CAPN2: variants seen among roughly 807,000 people sequenced by gnomAD.
CAPN2 encodes the protein calpain-2 catalytic subunit.
Under a neutral mutation model 102.3 loss-of-function variants are expected in CAPN2, and 92 were observed. The observed-to-expected ratio is 0.90, with a 90% CI of 0.76 to 1.07. The LOEUF is 1.07. Ranked by LOEUF, CAPN2 falls within the 50% of genes least tolerant of loss-of-function variation. CAPN2 has a pLI of 0.00. For missense variants in CAPN2, 800 were observed against 909.4 expected, an observed-to-expected ratio of 0.88 and a Z score of 1.55; for synonymous variants, 340 against 355.4, an observed-to-expected ratio of 0.96 and a Z score of 0.49.
chr1:223,763,017 C>G (rs1163775082), intron 14 of CAPN2, among the ~76,000 whole-genome samples: 1 of 151,948 alleles, frequency 6.6e-6, no homozygotes, highest in East Asian at 1.9e-4. Flanking sequence ...GAGACAGGGT[C>G]TCACTTTGTT....
intron 2 of CAPN2, among the ~76,000 whole-genome samples, chr1:223,735,334 C>T (rs1241933419): frequency 6.6e-6 from 1 of 152,052 alleles, no homozygotes; most frequent in Non-Finnish European, 1.5e-5. Context: ...TCAAGACCAG[C>T]TTGGCCAACA....
At chr1:223,702,091 G>GAAGGAAGGA (rs1207788242) in intron 1 of CAPN2, among the ~76,000 whole-genome samples, 1 of 38,650 alleles carries the variant, frequency 2.6e-5, no homozygotes, top group Non-Finnish European at 4.9e-5. Flanking sequence ...GGGAGGGAGG[G>GAAGGAAGGA]AGGAAAGAAG....
At position 223,755,624 on chromosome 1, in the gene CAPN2, A is replaced by G. The variant is rs773667050; in HGVS notation, c.1280A>G (p.His427Arg). Residue 427 changes from histidine to arginine, a missense_variant, in exon 10 of 21, where the codon CAC becomes CGC. By Grantham distance (29) the His-to-Arg change is conservative (BLOSUM62 0). Coordinates refer to ENST00000295006, the MANE Select transcript of CAPN2 (RefSeq NM_001748.5). The surrounding 1 kb of genome is among the most constrained non-coding windows in gnomAD (Gnocchi z 4.1). ...CAGAGGAAGATGGGCGAGGACATGC[A>G]CACCATCGGCTTTGGCATCTATGAG... Reference protein sequence around the residue: ...RRQRKMGEDMHTIGFGIYEVP... With the variant: ...RRQRKMGEDMRTIGFGIYEVP... 2 of 1,605,652 alleles carry G rather than the reference A, an allele frequency of 1.2e-6. No individual in the cohort carries two copies. Among genetic ancestry groups the G allele is most frequent in the Non-Finnish European group, 1.7e-6 (2 of 1,176,060 alleles).
intron 15 of CAPN2, among the ~76,000 whole-genome samples, chr1:223,764,643 A>G (rs1435930087): frequency 6.6e-6 from 1 of 152,216 alleles, no homozygotes; most frequent in Non-Finnish European, 1.5e-5. Context: ...TAGTAAAGAC[A>G]GGGTTTCACC....
intron 5 of CAPN2, among the ~76,000 whole-genome samples, chr1:223,747,720 G>T (rs571174833): frequency 2.6e-5 from 4 of 152,320 alleles, no homozygotes; most frequent in African/African-American, 9.6e-5. Context: ...CTTTAGGCAG[G>T]TGAGGGAACT....
At chr1:223,763,098 C>T (rs974994113) in intron 14 of CAPN2, among the ~76,000 whole-genome samples, 2 of 151,934 alleles carry the variant, frequency 1.3e-5, no homozygotes, top group African/African-American at 2.4e-5. Flanking sequence ...GCTGGAATTA[C>T]GGGTGTGAGC....
At chr1:223,749,342 G>T (rs977694022) in intron 6 of CAPN2, 1 of 591,972 alleles carries the variant, frequency 1.7e-6, no homozygotes. Flanking sequence ...AGTGGCCGGC[G>T]CCAGGGGCCC....
At chr1:223,717,580 G>T (rs1659910513) in intron 1 of CAPN2, among the ~76,000 whole-genome samples, 182 bp from the exon 2 acceptor site, 1 of 152,078 alleles carries the variant, frequency 6.6e-6, no homozygotes, top group Admixed American at 6.5e-5. Flanking sequence ...CACCCATCAG[G>T]GCCCAGGGAG....
intron 9 of CAPN2, among the ~76,000 whole-genome samples, chr1:223,753,265 C>T (rs7540481): frequency 0.062 from 9,415 of 152,212 alleles, 679 homozygotes; most frequent in African/African-American, 0.16. Context: ...CCTGACCTTC[C>T]GCCATGCTCA....
At chr1:223,769,222 T>A (rs1661408171) in intron 16 of CAPN2, among the ~76,000 whole-genome samples, 1 of 152,078 alleles carries the variant, frequency 6.6e-6, no homozygotes, top group African/African-American at 2.4e-5. Flanking sequence ...CAGGTTCAGG[T>A]GATTCTCCCC....
chr1:223,737,319 T>C (rs1363414470), intron 2 of CAPN2, among the ~76,000 whole-genome samples: 1 of 152,188 alleles, frequency 6.6e-6, no homozygotes, highest in Admixed American at 6.5e-5. Flanking sequence ...GGATGGCCGG[T>C]CTGTCAAGCC....
intron 2 of CAPN2, among the ~76,000 whole-genome samples, chr1:223,720,315 CTTT>C (rs35138708): frequency 1.9e-5 from 2 of 107,490 alleles, no homozygotes; most frequent in East Asian, 2.7e-4. Context: ...CTCTTTCTCT[CTTT>C]TTTTTTTTTT....
intron 1 of CAPN2, among the ~76,000 whole-genome samples, chr1:223,703,033 C>T (rs1659522226): frequency 6.6e-6 from 1 of 152,182 alleles, no homozygotes; most frequent in Non-Finnish European, 1.5e-5. Context: ...GGGACTGTGA[C>T]CACTGCACTT....
chr1:223,746,075 C>G (rs2102797968), intron 4 of CAPN2, among the ~76,000 whole-genome samples: 1 of 152,356 alleles, frequency 6.6e-6, no homozygotes, highest in South Asian at 2.1e-4. Context: ...CACAATGGCC[C>G]CATGTTGGCT....
chr1:223,739,400 T>G (rs1055644201), intron 2 of CAPN2, among the ~76,000 whole-genome samples: 2 of 152,126 alleles, frequency 1.3e-5, no homozygotes, highest in Non-Finnish European at 2.9e-5. Flanking sequence ...GCCAGGCTAG[T>G]CTTGAACTCC....
chr1:223,720,183 C>T (rs1311811484), intron 2 of CAPN2, among the ~76,000 whole-genome samples: 1 of 152,164 alleles, frequency 6.6e-6, no homozygotes, highest in African/African-American at 2.4e-5. Context: ...AATGGAGTGA[C>T]CTCAGACACC....
chr1:223,745,509 G>A lies in CAPN2; in HGVS notation c.560+70G>A, dbSNP rs574098230. The A allele has an allele frequency of 1.4e-3, 2,218 of 1,580,734 alleles. 50 individuals carry two copies. In the South Asian group the frequency reaches 0.021, roughly 15 times the overall value. ...CCTGGATTCCAAAAAATTCACTCAT[G>A]CCTGTAATCTCAGCACTTTGGGAGG... On this transcript the variant is annotated intron_variant, in intron 4 of 20. Transcript: ENST00000295006.
rs527690095 is a variant in CAPN2 at position 223,745,454 on chromosome 1, T to C, written c.560+15T>C. 1.2e-6 allele frequency: 2 copies of C among 1,614,040 alleles called. No homozygotes were observed. The highest frequency in any genetic ancestry group is 1.7e-5 in the Admixed American group (1 of 60,022). On this transcript the variant is annotated intron_variant, in intron 4 of 20. Coordinates refer to ENST00000295006, the MANE Select transcript of CAPN2 (RefSeq NM_001748.5). ...GCATACGCCAAGTAAGTTGCCATCC[T>C]CCCCTGGCCCCATGGCCTTCCCCCA...
intron 7 of CAPN2, among the ~76,000 whole-genome samples, chr1:223,751,462 C>T (rs1660895591): frequency 6.6e-6 from 1 of 152,220 alleles, no homozygotes; most frequent in Non-Finnish European, 1.5e-5. Context: ...CCTACTTGCT[C>T]TGCCTCAGGT....
Sources: gnomAD v4.1 joint callset for allele counts (sites outside exome capture counted in the v4.1 genomes callset) on GRCh38, gnomAD v4.1.1 for gene constraint, Gnocchi (gnomAD v3.1) non-coding constraint, MANE v1.5 for transcripts, NCBI Gene and HGNC (gene_info 2026-07-23, HGNC 2026-07-21) for gene names.